The following SMAD2 variants were observed in gnomAD, a reference collection of about 807,000 sequenced individuals.
The protein encoded by SMAD2 is MAD homolog 2.
A neutral mutation model predicts 64.4 loss-of-function variants in SMAD2; 8 were observed. The ratio of observed to expected loss-of-function variants is 0.12; its 90% CI spans 0.07 to 0.22. The LOEUF (loss-of-function observed/expected upper bound fraction) is 0.22. SMAD2 is among the 10% of genes least tolerant of loss of function. The probability of loss-of-function intolerance (pLI) is 1.00; values close to 1 mark genes in which losing one functional copy is unlikely to be tolerated. For synonymous variants in SMAD2, 203 were observed against 195.8 expected, an observed-to-expected ratio of 1.04 and a Z score of -0.31; for missense variants, 289 against 561.2, an observed-to-expected ratio of 0.51 and a Z score of 4.90.
At chr18:47,868,709 T>C (rs1258035696) in intron 4 of SMAD2, among the ~76,000 whole-genome samples, 1 of 152,204 alleles carries the variant, frequency 6.6e-6, no homozygotes, top group African/African-American at 2.4e-5. Flanking sequence ...GGTAATATTA[T>C]ATTACCATAA....
At chr18:47,926,743 A>G (rs1159711249) in intron 1 of SMAD2, among the ~76,000 whole-genome samples, 3 of 152,174 alleles carry the variant, frequency 2.0e-5, no homozygotes, top group Non-Finnish European at 2.9e-5. Flanking sequence ...ACATTTTACA[A>G]TAGGTCCATA....
chr18:47,887,651 C>G (rs569784395), intron 2 of SMAD2, among the ~76,000 whole-genome samples: 88 of 152,224 alleles, frequency 5.8e-4, no homozygotes, highest in African/African-American at 2.1e-3. Flanking sequence ...CACCTTTGAC[C>G]CATCAAACTC....
rs1408508993 is a variant in SMAD2 at position 47,829,568 on chromosome 18, G to A, written c.*12259C>T. The A allele has an allele frequency of 6.6e-6, 1 of 152,008 alleles. No homozygotes were observed. Among genetic ancestry groups the A allele is most frequent in the African/African-American group, 2.4e-5 (1 of 41,380 alleles). 9.4% of individuals were successfully genotyped at this position (152,008 alleles called of 1,614,324 possible). Reference sequence around the variant, plus strand: ...TTTTGATTCTGAAAAAATATTTAAAGTAATCAATTAGGTATTCTAAAAGAA... The same window carrying A: ...TTTTGATTCTGAAAAAATATTTAAAATAATCAATTAGGTATTCTAAAAGAA... On this transcript the variant is annotated 3_prime_UTR_variant, in exon 11 of 11. Coordinates refer to ENST00000262160, the MANE Select transcript of SMAD2 (RefSeq NM_005901.6).
chr18:47,831,683 T>C lies in SMAD2; in HGVS notation c.*10144A>G, dbSNP rs1169718386. 2 of 152,244 alleles carry C rather than the reference T, an allele frequency of 1.3e-5. No homozygotes were observed. Among genetic ancestry groups the C allele is most frequent in the Admixed American group, 6.5e-5 (1 of 15,284 alleles). The allele number at this position is 152,244 out of a possible 1,614,324, so 9.4% of individuals were successfully genotyped here. Reference sequence around the variant, plus strand: ...TATTGTTCATTTATCACTGAATCTGTTATCTGCTAAGTCTGATTCAATGTT... The same window carrying C: ...TATTGTTCATTTATCACTGAATCTGCTATCTGCTAAGTCTGATTCAATGTT... On this transcript the variant is annotated 3_prime_UTR_variant, in exon 11 of 11. Coordinates refer to ENST00000262160, the MANE Select transcript of SMAD2 (RefSeq NM_005901.6).
intron 5 of SMAD2, chr18:47,867,517 A>T (rs2031648541): frequency 6.6e-6 from 1 of 151,944 alleles, no homozygotes; most frequent in African/African-American, 2.4e-5. Flanking sequence ...GGAATAAAAG[A>T]ATATTACAAA....
chr18:47,911,588 G>C (rs1184268411), intron 1 of SMAD2, among the ~76,000 whole-genome samples: 3 of 152,114 alleles, frequency 2.0e-5, no homozygotes, highest in Non-Finnish European at 4.4e-5. Flanking sequence ...TGGCAACCTT[G>C]GGAGTCCAAC....
At position 47,832,442 on chromosome 18, in the gene SMAD2, C is replaced by CAG. The variant is rs771675244; in HGVS notation, c.*9383_*9384dup. The CAG allele has an allele frequency of 3.9e-5, 6 of 152,114 alleles. No homozygotes were observed. Among genetic ancestry groups the CAG allele is most frequent in the Non-Finnish European group, 1.5e-5 (1 of 68,026 alleles). The allele number at this position is 152,114 out of a possible 1,614,324, so 9.4% of individuals were successfully genotyped here. On this transcript the variant is annotated 3_prime_UTR_variant, in exon 11 of 11. Coordinates refer to ENST00000262160, the MANE Select transcript of SMAD2 (RefSeq NM_005901.6). ...TAAAAAAGTGTTGATAAAACTACAC[C>CAG]AGTCCCAAGGCTATTCAATGCCACG... is the stretch of plus-strand genomic sequence containing the variant.
chr18:47,816,222 G>T lies in SMAD2; in HGVS notation c.*25605C>A, dbSNP rs1466134992. The T allele has an allele frequency of 1.3e-5, 2 of 152,092 alleles. No homozygotes were observed. The highest frequency in any genetic ancestry group is 2.4e-5 in the African/African-American group (1 of 41,390). 9.4% of individuals were successfully genotyped at this position (152,092 alleles called of 1,614,324 possible). ...AGTGGAAGTGAGTTTGAGATAAAAA[G>T]GAATTTATTTATTTGCACCTATGTA... On this transcript the variant is annotated 3_prime_UTR_variant, in exon 11 of 11. Coordinates refer to ENST00000262160, the MANE Select transcript of SMAD2 (RefSeq NM_005901.6).
At chr18:47,863,421 A>G (rs1280896056) in intron 6 of SMAD2, among the ~76,000 whole-genome samples, 1 of 152,210 alleles carries the variant, frequency 6.6e-6, no homozygotes, top group Admixed American at 6.5e-5. Flanking sequence ...TAGCTGGCTG[A>G]TTCAGCTTAT....
Position 47,884,597 on chromosome 18 carries a change from A to G in SMAD2, c.236+11924T>C, listed in dbSNP as rs1191192499. Among the ~76,000 whole-genome samples, 3 of 152,230 alleles carry G rather than the reference A, an allele frequency of 2.0e-5. No homozygotes were observed. The East Asian group carries it at 5.8e-4, about 29-fold the overall frequency. The stretch of plus-strand genomic sequence containing the variant: ...TATAAAAACTGAAGATTTCACTGTA[A>G]GAGACATTTTCTCAGGAAAGAAAAT... On this transcript the variant is annotated intron_variant, in intron 2 of 10. Transcript: ENST00000262160.
rs763548110 is a variant in SMAD2 at position 47,911,909 on chromosome 18, TGGC to T, written c.-53-15103_-53-15101del. Among the ~76,000 whole-genome samples the T allele has an allele frequency of 1.3e-5, 2 of 152,336 alleles. 1 individual carries two copies. Among genetic ancestry groups the T allele is most frequent in the Non-Finnish European group, 2.9e-5 (2 of 68,032 alleles). On this transcript the variant is annotated intron_variant, in intron 1 of 10. Coordinates refer to ENST00000262160, the MANE Select transcript of SMAD2 (RefSeq NM_005901.6). ...ACTATCAGGCAGCAAAAAGTGTACT[TGGC>T]TACCTTTGGCCCCTGTTGGATTCCT...
chr18:47,890,646 T>C (rs745833935), intron 2 of SMAD2, among the ~76,000 whole-genome samples: 6 of 152,234 alleles, frequency 3.9e-5, no homozygotes, highest in African/African-American at 1.4e-4. Context: ...TACAGTCATA[T>C]TCCCTAGGAT....
At position 47,809,424 on chromosome 18, in the gene SMAD2, C is replaced by A. The variant is rs1269196746; in HGVS notation, c.*32403G>T. On this transcript the variant is annotated 3_prime_UTR_variant, in exon 11 of 11. Coordinates refer to ENST00000262160, the MANE Select transcript of SMAD2 (RefSeq NM_005901.6). Reference sequence around the variant, plus strand: ...TGGAACCAGGTAGAGATAAGGATAACCTGTGGGGGAATTGTGAAGTAGACT... The same window carrying A: ...TGGAACCAGGTAGAGATAAGGATAAACTGTGGGGGAATTGTGAAGTAGACT... The A allele has an allele frequency of 6.6e-6, 1 of 152,312 alleles. No individual in the cohort carries two copies. Among genetic ancestry groups the A allele is most frequent in the Non-Finnish European group, 1.5e-5 (1 of 68,144 alleles). The allele number at this position is 152,312 out of a possible 1,614,324, so 9.4% of individuals were successfully genotyped here. A position where few individuals can be genotyped will look rare whatever the true frequency, so the allele number is the denominator to read the frequency against.
At chr18:47,916,306 C>T (rs11082641) in intron 1 of SMAD2, among the ~76,000 whole-genome samples, 63,948 of 151,694 alleles carry the variant, frequency 0.42, 14,336 homozygotes, top group East Asian at 0.59. Flanking sequence ...AGAGTTAATC[C>T]CTCACGTTTG....
chr18:47,855,149 T>C (rs1180291791), intron 6 of SMAD2, among the ~76,000 whole-genome samples: 1 of 152,204 alleles, frequency 6.6e-6, no homozygotes, highest in Admixed American at 6.5e-5. Context: ...AAAATAATTG[T>C]ACAACAAAAC....
intron 6 of SMAD2, among the ~76,000 whole-genome samples, chr18:47,857,312 C>T (rs1008755080): frequency 7.9e-5 from 12 of 151,610 alleles, no homozygotes; most frequent in African/African-American, 2.4e-4. Context: ...ATATATAATG[C>T]ATGAATGATC....
rs541823805 is a variant in SMAD2 at position 47,843,455 on chromosome 18, G to C, written c.1281-1505C>G. On this transcript the variant is annotated intron_variant, in intron 10 of 10. Transcript: ENST00000262160. ...ACCCAAGGGGAGTAGGTTTAAGAAG[G>C]CTGCCACTCGATTAAATACAAATTC... Among the ~76,000 whole-genome samples the C allele has an allele frequency of 5.9e-5, 9 of 152,222 alleles. 1 individual carries two copies. In the East Asian group the frequency reaches 1.7e-3, roughly 29 times the overall value.
rs79926216 is a variant in SMAD2, at chr18:47,907,054, A to C, written c.-53-10245T>G. 6.5e-3 allele frequency among the ~76,000 whole-genome samples: 994 copies of C among 152,318 alleles called. 11 individuals are homozygous for C. Among genetic ancestry groups the C allele is most frequent in the African/African-American group, 0.022 (910 of 41,574 alleles). On this transcript the variant is annotated intron_variant, in intron 1 of 10. Transcript: ENST00000262160. ...TGAATATCTTTGGAGACCATGATTCAGTCTACCACATCAAGCAACTAGAAC... is the reference window on the plus strand; with the variant it reads ...TGAATATCTTTGGAGACCATGATTCCGTCTACCACATCAAGCAACTAGAAC...
At chr18:47,889,034 A>G (rs1433990684) in intron 2 of SMAD2, among the ~76,000 whole-genome samples, 1 of 152,212 alleles carries the variant, frequency 6.6e-6, no homozygotes, top group African/African-American at 2.4e-5. Context: ...GGCTTAACAG[A>G]CTGAATACAG....
Sources: gnomAD v4.1 joint callset for allele counts (sites outside exome capture counted in the v4.1 genomes callset) on GRCh38, gnomAD v4.1.1 for gene constraint, MANE v1.5 for transcripts, NCBI Gene and HGNC (gene_info 2026-07-23, HGNC 2026-07-21) for gene names.